Variants in SMARCD1 observed in about 807,000 individuals in gnomAD.
SMARCD1 encodes the protein SWI/SNF related BAF chromatin remodeling complex subunit D1.
Under a neutral mutation model 70.8 loss-of-function variants are expected in SMARCD1, and 16 were observed. The observed-to-expected ratio is 0.23, with a 90% confidence interval of 0.15 to 0.34. The LOEUF is 0.34. Among genes scored for constraint, SMARCD1 ranks in the 10% least tolerant of loss-of-function variants. The pLI, the probability that SMARCD1 is intolerant of heterozygous loss-of-function variation, is 1.00. For synonymous variants in SMARCD1, 249 were observed against 246.0 expected (o/e 1.01, Z -0.11); for missense variants, 409 against 655.5 (o/e 0.62, Z 4.11).
chr12:50,092,539 TC>T (rs1254446600), intron 9 of SMARCD1, among the ~76,000 whole-genome samples: 3 of 148,194 alleles, frequency 2.0e-5, no homozygotes, highest in Admixed American at 6.7e-5. Flanking sequence ...TTTTTTTTTT[TC>T]TTTTGACCCT....
chr12:50,087,067 T>G, intron 4 of SMARCD1, 189 bp downstream of exon 4: 1 of 688,426 alleles, frequency 1.5e-6, no homozygotes, highest in Non-Finnish European at 2.4e-6. Context: ...GAGGGGCTCT[T>G]GATGTCTCTT....
rs147859527 is a variant in SMARCD1, at chr12:50,095,616, C to T, written c.1269+1044C>T. On this transcript the variant is annotated intron_variant, in intron 10 of 12. Transcript: ENST00000394963. Reference sequence around the variant, plus strand: ...TGCTGGGATCACAGGCGTGAGCCACCGCGCCCGGCCCCAACTAAATCTTGA... The same window carrying T: ...TGCTGGGATCACAGGCGTGAGCCACTGCGCCCGGCCCCAACTAAATCTTGA... Among the ~76,000 whole-genome samples the T allele has an allele frequency of 1.2e-3, 183 of 152,302 alleles. 1 individual carries two copies. The highest frequency in any genetic ancestry group is 3.6e-3 in the African/African-American group (149 of 41,568).
rs930667051 is a variant in SMARCD1, at chr12:50,087,604, A to G, written c.654+119A>G. Reference sequence around the variant, plus strand: ...ACAGCTCCTTTTGGGAGCAGTAAGGAGAGGGACACTGTTCCCTGCACTGAA... The same window carrying G: ...ACAGCTCCTTTTGGGAGCAGTAAGGGGAGGGACACTGTTCCCTGCACTGAA... On this transcript the variant is annotated intron_variant, in intron 5 of 12. Transcript: ENST00000394963. 4 of 1,198,474 alleles carry G rather than the reference A, an allele frequency of 3.3e-6. No homozygotes were observed. In the African/African-American group the frequency reaches 4.6e-5, roughly 14 times the overall value. 74.2% of individuals were successfully genotyped at this position (1,198,474 alleles called of 1,614,324 possible). A position where few individuals can be genotyped will look rare whatever the true frequency, so the allele number is the denominator to read the frequency against.
At chr12:50,089,269 A>C (rs1452840160) in intron 6 of SMARCD1, 1 of 152,320 alleles carries the variant, frequency 6.6e-6, no homozygotes. Flanking sequence ...CTTAACCTCA[A>C]CCACTAAGAG....
chr12:50,088,310 T>G, intron 5 of SMARCD1: 1 of 703,658 alleles, frequency 1.4e-6, no homozygotes, highest in Non-Finnish European at 2.6e-6. Flanking sequence ...TGACCCTCTA[T>G]GTGTTCTAGG....
intron 11 of SMARCD1, among the ~76,000 whole-genome samples, chr12:50,097,891 CAAAA>C (rs749628224): frequency 2.4e-5 from 1 of 42,186 alleles, no homozygotes. Context: ...GACTCCATCT[CAAAA>C]AAAAAAAAAA....
At chr12:50,087,322 C>G (rs1215879118) in intron 4 of SMARCD1, 41 bp from the exon 5 acceptor site, 1 of 1,605,768 alleles carries the variant, frequency 6.2e-7, no homozygotes, top group Non-Finnish European at 8.5e-7. Context: ...AACATCAGAC[C>G]ACTGAAGCCC....
chr12:50,099,009 C>G lies in SMARCD1; in HGVS notation c.*9C>G. On this transcript the variant is annotated 3_prime_UTR_variant, in exon 13 of 13. Transcript: ENST00000394963. ...GAATCCGGAATACATAGGGCCTCTC[C>G]CACAGCCCTGATTCGACTGCACCAA... 6.2e-7 allele frequency: 1 copy of G among 1,613,354 alleles called. No homozygotes were observed. The highest frequency in any genetic ancestry group is 8.5e-7 in the Non-Finnish European group (1 of 1,179,312).
At chr12:50,098,869 C>T in intron 12 of SMARCD1, 54 bp downstream of exon 12, 3 of 1,595,164 alleles carry the variant, frequency 1.9e-6, no homozygotes, top group South Asian at 1.1e-5. Context: ...GGTTTTCACC[C>T]CTGATGGGGG....
rs11443542 is a variant in SMARCD1 at position 50,090,821 on chromosome 12, C to CTTTTTTTTTTTT, written c.1133+240_1133+251dup. Among the ~76,000 whole-genome samples the CTTTTTTTTTTTT allele has an allele frequency of 3.9e-5, 4 of 102,438 alleles. 1 individual carries two copies. Among genetic ancestry groups the CTTTTTTTTTTTT allele is most frequent in the African/African-American group, 7.9e-5 (2 of 25,232 alleles). 67.2% of individuals were successfully genotyped at this position (102,438 alleles called of 152,430 possible). A position where few individuals can be genotyped will look rare whatever the true frequency, so the allele number is the denominator to read the frequency against. Reference sequence around the variant, plus strand: ...ATTATTACATTTTATTGTATTTGTGCTTTTTTTTTTTTTTTTTTTTGGAGA... The same window carrying CTTTTTTTTTTTT: ...ATTATTACATTTTATTGTATTTGTGCTTTTTTTTTTTTTTTTTTTTTTTTTTTTTTTTGGAGA... On this transcript the variant is annotated intron_variant, in intron 9 of 12. Coordinates refer to ENST00000394963, the MANE Select transcript of SMARCD1 (RefSeq NM_003076.5).
intron 10 of SMARCD1, among the ~76,000 whole-genome samples, chr12:50,095,436 C>T (rs1445270092): frequency 6.6e-6 from 1 of 152,082 alleles, no homozygotes; most frequent in African/African-American, 2.4e-5. Flanking sequence ...AAGCAATTCT[C>T]CTGTCTCAGC....
At chr12:50,093,421 C>T (rs1281035910) in intron 9 of SMARCD1, among the ~76,000 whole-genome samples, 1 of 151,970 alleles carries the variant, frequency 6.6e-6, no homozygotes, top group Non-Finnish European at 1.5e-5. Context: ...GTGTTGGCTT[C>T]CCAGAATGCT....
At chr12:50,086,047 A>G in intron 1 of SMARCD1, 114 bp from the exon 2 acceptor site, 1 of 768,972 alleles carries the variant, frequency 1.3e-6, no homozygotes, top group Non-Finnish European at 2.0e-6. Context: ...ATTGTCCTCC[A>G]TTCCATCCCT....
chr12:50,096,502 T>C (rs1285222410), intron 10 of SMARCD1, among the ~76,000 whole-genome samples: 2 of 152,122 alleles, frequency 1.3e-5, no homozygotes, highest in Non-Finnish European at 2.9e-5. Context: ...AGATGAGAGC[T>C]TATGAGACAG....
chr12:50,097,393 A>G (rs1169910100), intron 11 of SMARCD1, among the ~76,000 whole-genome samples: 2 of 149,126 alleles, frequency 1.3e-5, no homozygotes, highest in Non-Finnish European at 3.0e-5. Flanking sequence ...TCCACTAAAA[A>G]TACAAAAACT....
intron 9 of SMARCD1, among the ~76,000 whole-genome samples, chr12:50,092,235 C>CTTTTTTTTTTTTTTTTTTTTTTTTTT (rs60619880): frequency 4.4e-5 from 4 of 91,156 alleles, no homozygotes; most frequent in Non-Finnish European, 6.0e-5. Flanking sequence ...TTCTTTCTTT[C>CTTTTTTTTTTTTTTTTTTTTTTTTTT]TTTTTTTTTT....
chr12:50,099,031 C>T lies in SMARCD1; in HGVS notation c.*31C>T, dbSNP rs1398004122. On this transcript the variant is annotated 3_prime_UTR_variant, in exon 13 of 13. Transcript: ENST00000394963. ...CTCCCACAGCCCTGATTCGACTGCA[C>T]CAATTCTTGATTTGGGCCCTGTGCT... 1.2e-6 allele frequency: 2 copies of T among 1,608,788 alleles called. No individual in the cohort carries two copies. The highest frequency in any genetic ancestry group is 1.7e-5 in the Admixed American group (1 of 59,976).
chr12:50,094,480 G>A lies in SMARCD1; in HGVS notation c.1177G>A (p.Asp393Asn). 6.2e-7 allele frequency: 1 copy of A among 1,614,030 alleles called. No homozygotes were observed. Among genetic ancestry groups the A allele is most frequent in the Middle Eastern group, 1.6e-4 (1 of 6,062 alleles). The change falls in exon 10 of 13, where the codon GAT becomes AAT. Residue 393 changes from aspartate to asparagine, a missense_variant. This residue lies in a region of SMARCD1 where 269 missense variants were observed against 498.6 expected (regional missense o/e 0.54). Transcript: ENST00000394963. ...DQKKTACYDI[D>N]VEVDDTLKTQ... is the part of the protein sequence containing the mutation. ...GAAAAAGACAGCTTGTTATGACATT[G>A]ATGTTGAAGTGGATGACACCTTGAA...
chr12:50,088,727 ATAAAG>A lies in SMARCD1; in HGVS notation c.771+93_771+97del, dbSNP rs540369898. Reference sequence around the variant, plus strand: ...TTAATGTCTAAGGAGATGGGGAGGTATAAAGTAGTCACTCTAGGTGTACACAGTAC... The same window carrying A: ...TTAATGTCTAAGGAGATGGGGAGGTATAGTCACTCTAGGTGTACACAGTAC... On this transcript the variant is annotated intron_variant, in intron 6 of 12. Transcript: ENST00000394963. 207 of 706,424 alleles carry A rather than the reference ATAAAG, an allele frequency of 2.9e-4. 1 individual carries two copies. In the East Asian group the frequency reaches 4.6e-3, roughly 16 times the overall value. The allele number at this position is 706,424 out of a possible 1,614,324, so 43.8% of individuals were successfully genotyped here.
Sources: gnomAD v4.1 joint callset for allele counts (sites outside exome capture counted in the v4.1 genomes callset) on GRCh38, gnomAD v4.1.1 for gene constraint, gnomAD v4.1.1 regional missense constraint, MANE v1.5 for transcripts, NCBI Gene and HGNC (gene_info 2026-07-23, HGNC 2026-07-21) for gene names.